Variants in RBFOX1 observed in about 807,000 individuals in gnomAD.
The protein encoded by RBFOX1 is RNA binding protein fox-1 homolog 1.
In RBFOX1, 8 loss-of-function variants were observed where a neutral mutation model predicts 57.7. The ratio of observed to expected loss-of-function variants is 0.14; its 90% CI spans 0.08 to 0.25. The LOEUF is 0.25. RBFOX1 is among the 10% of genes least tolerant of loss of function. The pLI, the probability that RBFOX1 is intolerant of heterozygous loss-of-function variation, is 1.00. For missense variants in RBFOX1, 611 were observed against 548.5 expected (o/e 1.11, Z -1.14); for synonymous variants, 326 against 222.4 (o/e 1.47, Z -4.15).
At chr16:7,533,416 T>A (rs57170375) in intron 5 of RBFOX1, among the ~76,000 whole-genome samples, 31,807 of 150,774 alleles carry the variant, frequency 0.21, 4,109 homozygotes, top group African/African-American at 0.37. Flanking sequence ...CTGCATTTTT[T>A]AAAAAAAAAA....
intron 11 of RBFOX1, among the ~76,000 whole-genome samples, chr16:7,644,020 G>A (rs1244937491): frequency 6.6e-6 from 1 of 152,182 alleles, no homozygotes; most frequent in South Asian, 2.1e-4. Flanking sequence ...GGGAGATGAT[G>A]TAGCAGCTTG....
chr16:5,836,739 C>T (rs1262306224), intron 3 of RBFOX1, among the ~76,000 whole-genome samples: 1 of 152,172 alleles, frequency 6.6e-6, no homozygotes, highest in Non-Finnish European at 1.5e-5. Flanking sequence ...CCACTAGATG[C>T]CATTAGCATC....
chr16:6,221,669 C>T (rs1307005097), intron 1 of RBFOX1, among the ~76,000 whole-genome samples: 1 of 152,166 alleles, frequency 6.6e-6, no homozygotes, highest in African/African-American at 2.4e-5. Context: ...ACTCACAGTT[C>T]CACGTGGCTG....
At chr16:6,570,409 A>T (rs1258574054) in intron 2 of RBFOX1, among the ~76,000 whole-genome samples, 2 of 152,302 alleles carry the variant, frequency 1.3e-5, no homozygotes, top group African/African-American at 4.8e-5. Flanking sequence ...AAGATAGAAG[A>T]AGTACAGCAT....
intron 4 of RBFOX1, among the ~76,000 whole-genome samples, chr16:7,500,062 C>T (rs1310956793): frequency 6.6e-6 from 1 of 152,148 alleles, no homozygotes; most frequent in Admixed American, 6.6e-5. Flanking sequence ...CTCTAAGCTG[C>T]AACCCACTGG....
At chr16:5,883,498 C>G (rs1449434666) in intron 4 of RBFOX1, among the ~76,000 whole-genome samples, 1 of 141,094 alleles carries the variant, frequency 7.1e-6, no homozygotes, top group Non-Finnish European at 1.5e-5. Flanking sequence ...TCGGAGGAAC[C>G]TGCAATCCCA....
intron 1 of RBFOX1, among the ~76,000 whole-genome samples, chr16:5,278,535 T>C (rs1285564665): frequency 6.6e-6 from 1 of 152,212 alleles, no homozygotes; most frequent in African/African-American, 2.4e-5. Context: ...AATTTTTATA[T>C]ATGCTGTAAG....
intron 3 of RBFOX1, among the ~76,000 whole-genome samples, chr16:5,864,209 C>T (rs751941193): frequency 3.3e-5 from 5 of 152,172 alleles, no homozygotes; most frequent in Admixed American, 6.5e-5. Flanking sequence ...CCAGCTCCAT[C>T]GATGTCCCTG....
intron 1 of RBFOX1, among the ~76,000 whole-genome samples, chr16:6,296,930 A>G (rs1050621798): frequency 1.3e-5 from 2 of 152,216 alleles, no homozygotes; most frequent in African/African-American, 4.8e-5. Flanking sequence ...AATTAAAGGA[A>G]TAAAGAATGG....
At chr16:5,369,238 G>C (rs1263208429) in intron 1 of RBFOX1, among the ~76,000 whole-genome samples, 1 of 152,232 alleles carries the variant, frequency 6.6e-6, no homozygotes, top group Non-Finnish European at 1.5e-5. Flanking sequence ...CTGACCTCAA[G>C]TGATCCACCC....
chr16:5,761,870 T>C (rs2053607206), intron 3 of RBFOX1, among the ~76,000 whole-genome samples: 1 of 152,054 alleles, frequency 6.6e-6, no homozygotes, highest in Admixed American at 6.5e-5. Context: ...GGGCCAATCA[T>C]CCTAGGTCTG....
At chr16:5,751,448 T>C (rs2053199490) in intron 3 of RBFOX1, among the ~76,000 whole-genome samples, 1 of 152,240 alleles carries the variant, frequency 6.6e-6, no homozygotes, top group South Asian at 2.1e-4. Context: ...GAGAAGTTAA[T>C]ACATCCACTG....
At chr16:6,758,787 A>G (rs879473201) in intron 3 of RBFOX1, among the ~76,000 whole-genome samples, 1 of 152,168 alleles carries the variant, frequency 6.6e-6, no homozygotes, top group Non-Finnish European at 1.5e-5. Flanking sequence ...TGGGGTTGAG[A>G]GGGACAATCA....
chr16:6,560,224 T>A (rs2097162135), intron 2 of RBFOX1, among the ~76,000 whole-genome samples: 1 of 144,286 alleles, frequency 6.9e-6, no homozygotes, highest in Non-Finnish European at 1.5e-5. Context: ...AATATTCTAG[T>A]TGGGGGGAAA....
intron 1 of RBFOX1, among the ~76,000 whole-genome samples, chr16:6,239,790 C>A (rs1390002776): frequency 1.3e-5 from 2 of 152,128 alleles, no homozygotes; most frequent in African/African-American, 4.8e-5. Flanking sequence ...AGCCACCATG[C>A]CCAGCCTCCA....
chr16:7,565,466 C>A (rs1055213125), intron 5 of RBFOX1, among the ~76,000 whole-genome samples: 5 of 152,076 alleles, frequency 3.3e-5, no homozygotes, highest in Non-Finnish European at 5.9e-5. Context: ...TGAATTATGC[C>A]AGCCCATGCT....
intron 4 of RBFOX1, among the ~76,000 whole-genome samples, chr16:5,986,949 A>G (rs1436173280): frequency 6.6e-6 from 1 of 152,186 alleles, no homozygotes; most frequent in African/African-American, 2.4e-5. Context: ...TCACTGATAC[A>G]CTGTTTCCTA....
chr16:5,709,555 C>G (rs996507269), intron 3 of RBFOX1, among the ~76,000 whole-genome samples: 1 of 151,652 alleles, frequency 6.6e-6, no homozygotes, highest in Non-Finnish European at 1.5e-5. Context: ...TGACATTAAT[C>G]CATCTCTCAT....
At chr16:6,635,878 T>C (rs1567977286) in intron 2 of RBFOX1, among the ~76,000 whole-genome samples, 1 of 152,076 alleles carries the variant, frequency 6.6e-6, no homozygotes, top group Non-Finnish European at 1.5e-5. Flanking sequence ...AGACCAGAGG[T>C]ATTTTGGATT....
Sources: allele counts gnomAD v4.1 joint callset (sites outside exome capture counted in the v4.1 genomes callset), GRCh38; gene constraint gnomAD v4.1.1; transcripts MANE v1.5; gene names NCBI Gene and HGNC (gene_info 2026-07-23, HGNC 2026-07-21).